PCDHA9: variants seen among roughly 807,000 people sequenced by gnomAD.
The protein encoded by PCDHA9 is protocadherin alpha-9.
Under a neutral mutation model 62.0 loss-of-function variants are expected in PCDHA9, and 62 were observed. That is an observed-to-expected ratio of 1.00 (90% CI 0.81 to 1.23). The LOEUF (loss-of-function observed/expected upper bound fraction) is 1.23. PCDHA9 is among the 50% of genes most tolerant of loss of function. The pLI is 0.00. For synonymous variants in PCDHA9, 557 were observed against 567.6 expected (o/e 0.98, Z 0.27); for missense variants, 1,205 against 1,249.8 (o/e 0.96, Z 0.54).
intron 1 of PCDHA9, among the ~76,000 whole-genome samples, chr5:140,945,587 C>A (rs2093812111): frequency 6.6e-6 from 1 of 152,052 alleles, no homozygotes; most frequent in African/African-American, 2.4e-5. Context: ...TCAAAATATA[C>A]TTCAAAGCTA....
At chr5:140,975,978 A>T (rs964939685) in intron 1 of PCDHA9, among the ~76,000 whole-genome samples, 1 of 152,142 alleles carries the variant, frequency 6.6e-6, no homozygotes, top group African/African-American at 2.4e-5. Context: ...AAGTAAGCAT[A>T]GTCCTGGGAG....
intron 1 of PCDHA9, among the ~76,000 whole-genome samples, chr5:140,977,927 T>G (rs1214119079): frequency 6.6e-6 from 1 of 152,180 alleles, no homozygotes; most frequent in Non-Finnish European, 1.5e-5. Context: ...TTCATTCAAC[T>G]ATACCTCAAT....
chr5:140,938,025 C>A (rs1431326044), intron 1 of PCDHA9, among the ~76,000 whole-genome samples: 5 of 151,978 alleles, frequency 3.3e-5, no homozygotes, highest in Non-Finnish European at 7.4e-5. Context: ...AGTAAAATCT[C>A]ATATTTTTAT....
In PCDHA9 at chr5:140,936,501, T is replaced by A. The variant is rs192125282; in HGVS notation, c.2395-42448T>A. On this transcript the variant is annotated intron_variant, in intron 1 of 3. Transcript: ENST00000532602. ...AGCTTTCTTGTTTTAACTTGCACATTTAGATCTTAAATTACCTGAAATTGC... is the reference window on the plus strand; with the variant it reads ...AGCTTTCTTGTTTTAACTTGCACATATAGATCTTAAATTACCTGAAATTGC... Among the ~76,000 whole-genome samples, 509 of 152,360 alleles carry A rather than the reference T, an allele frequency of 3.3e-3. 1 individual carries two copies. Among genetic ancestry groups the A allele is most frequent in the African/African-American group, 0.011 (472 of 41,592 alleles).
intron 1 of PCDHA9, among the ~76,000 whole-genome samples, chr5:140,896,566 G>A (rs1562891221): frequency 6.7e-6 from 1 of 150,252 alleles, no homozygotes; most frequent in Non-Finnish European, 1.5e-5. Context: ...AAGTAGAGAT[G>A]GGGTTTTGAC....
intron 1 of PCDHA9, among the ~76,000 whole-genome samples, chr5:140,872,690 T>C (rs1485284839): frequency 6.6e-6 from 1 of 152,210 alleles, no homozygotes; most frequent in Non-Finnish European, 1.5e-5. Context: ...ATGGCATGAT[T>C]TATGATTCCA....
intron 1 of PCDHA9, among the ~76,000 whole-genome samples, chr5:140,977,388 T>C (rs1187960215): frequency 6.6e-6 from 1 of 152,248 alleles, no homozygotes; most frequent in East Asian, 1.9e-4. Flanking sequence ...TCCAGGTTTA[T>C]AAAATGATTT....
At chr5:140,873,403 G>A (rs2054270816) in intron 1 of PCDHA9, among the ~76,000 whole-genome samples, 1 of 152,046 alleles carries the variant, frequency 6.6e-6, no homozygotes, top group South Asian at 2.1e-4. Flanking sequence ...TTCAGTACAG[G>A]TTAAAATTTT....
intron 1 of PCDHA9, among the ~76,000 whole-genome samples, chr5:140,923,319 A>G (rs1004006693): frequency 1.1e-4 from 16 of 152,264 alleles, no homozygotes; most frequent in African/African-American, 3.9e-4. Flanking sequence ...TTGGCCTAGA[A>G]GTTCAAGGAC....
At chr5:140,906,693 G>T (rs887867103) in intron 1 of PCDHA9, among the ~76,000 whole-genome samples, 3 of 152,082 alleles carry the variant, frequency 2.0e-5, no homozygotes, top group African/African-American at 7.2e-5. Flanking sequence ...GAAGGATCTG[G>T]GCCATTTGTA....
intron 1 of PCDHA9, among the ~76,000 whole-genome samples, chr5:140,891,046 C>T (rs576145840): frequency 6.6e-6 from 1 of 152,270 alleles, no homozygotes; most frequent in African/African-American, 2.4e-5. Context: ...GTGACCCCCA[C>T]AGCACATAGT....
At chr5:140,877,332 C>G (rs2057040352) in intron 1 of PCDHA9, 16 of 1,613,990 alleles carry the variant, frequency 9.9e-6, no homozygotes, top group Non-Finnish European at 1.4e-5. Flanking sequence ...GCGCGCACAT[C>G]CCGTTCCACG....
At chr5:140,944,543 G>C (rs2093667961) in intron 1 of PCDHA9, among the ~76,000 whole-genome samples, 1 of 152,142 alleles carries the variant, frequency 6.6e-6, no homozygotes, top group South Asian at 2.1e-4. Context: ...AGTATTTAAA[G>C]ATCATAGTTT....
intron 1 of PCDHA9, among the ~76,000 whole-genome samples, chr5:140,960,936 T>G (rs1198055000): frequency 6.6e-6 from 1 of 152,210 alleles, no homozygotes. Flanking sequence ...CTAAGTTTAG[T>G]GAATTAGAAA....
At chr5:140,913,810 T>C (rs2076475017) in intron 1 of PCDHA9, among the ~76,000 whole-genome samples, 1 of 152,224 alleles carries the variant, frequency 6.6e-6, no homozygotes, top group South Asian at 2.1e-4. Context: ...AAATTTTCAA[T>C]TTCCTTTTAA....
chr5:140,954,470 G>T (rs999752135), intron 1 of PCDHA9, among the ~76,000 whole-genome samples: 2 of 152,150 alleles, frequency 1.3e-5, no homozygotes, highest in Non-Finnish European at 2.9e-5. Flanking sequence ...ATTCTGACTG[G>T]TGTGAGAAGA....
intron 1 of PCDHA9, among the ~76,000 whole-genome samples, chr5:140,956,811 C>T (rs1349300314): frequency 6.6e-6 from 1 of 152,108 alleles, no homozygotes; most frequent in African/African-American, 2.4e-5. Context: ...TTTATTATTG[C>T]TTCAATTTGT....
rs145229632 is a variant in PCDHA9 at position 140,928,096 on chromosome 5, C to A, written c.2395-50853C>A. ...CTACTACAGCCTGCTGATTGATGGG[C>A]CCCTGGACCGGGAGCAGATCAGTGA... On this transcript the variant is annotated intron_variant, in intron 1 of 3. Coordinates refer to ENST00000532602, the MANE Select transcript of PCDHA9 (RefSeq NM_031857.2). 3.5e-5 allele frequency: 57 copies of A among 1,614,052 alleles called. No homozygotes were observed. In the African/African-American group the frequency reaches 6.8e-4, roughly 19 times the overall value.
chr5:140,921,102 T>G (rs1300756897), intron 1 of PCDHA9, among the ~76,000 whole-genome samples: 1 of 152,028 alleles, frequency 6.6e-6, no homozygotes, highest in Non-Finnish European at 1.5e-5. Context: ...TGCCTCAGTC[T>G]CCTAAGTAGC....
Sources: gnomAD v4.1 joint callset for allele counts (sites outside exome capture counted in the v4.1 genomes callset) on GRCh38, gnomAD v4.1.1 for gene constraint, MANE v1.5 for transcripts, NCBI Gene and HGNC (gene_info 2026-07-23, HGNC 2026-07-21) for gene names.